Variants in GALNT13 observed in about 807,000 individuals in gnomAD.
The protein encoded by GALNT13 is polypeptide N-acetylgalactosaminyltransferase 13.
A neutral mutation model predicts 64.2 loss-of-function variants in GALNT13; 28 were observed. The observed-to-expected ratio is 0.44, with a 90% CI of 0.32 to 0.60. The LOEUF is 0.60. Among genes scored for constraint, GALNT13 ranks in the 20% least tolerant of loss-of-function variants. The probability of loss-of-function intolerance (pLI) is 0.05; values close to 1 mark genes in which losing one functional copy is unlikely to be tolerated. For missense variants in GALNT13, 577 were observed against 669.8 expected (o/e 0.86, Z 1.53); for synonymous variants, 214 against 224.6 (o/e 0.95, Z 0.42).
At chr2:154,150,476 G>A (rs1024530095) in intron 4 of GALNT13, among the ~76,000 whole-genome samples, 5 of 152,372 alleles carry the variant, frequency 3.3e-5, no homozygotes, top group East Asian at 1.9e-4. Flanking sequence ...CTCTTTGTCT[G>A]TTGATTGGAA....
At chr2:153,080,233 C>T in the GALNT13 span, among the ~76,000 whole-genome samples, 4 of 151,780 alleles carry the variant, frequency 2.6e-5, no homozygotes, top group Non-Finnish European at 4.4e-5. Flanking sequence ...TTATCTTACC[C>T]CTTTTTCTTT....
chr2:153,202,145 C>T, the GALNT13 span, among the ~76,000 whole-genome samples: 8 of 151,644 alleles, frequency 5.3e-5, no homozygotes, highest in African/African-American at 9.7e-5. Context: ...CCACCGCGCC[C>T]GGCTAATTTT....
chr2:154,291,127 C>A (rs536212515), intron 8 of GALNT13, among the ~76,000 whole-genome samples: 1 of 152,012 alleles, frequency 6.6e-6, no homozygotes, highest in Admixed American at 6.5e-5. Context: ...GCTTGGGTGG[C>A]CTTTTATTCC....
At chr2:153,228,807 A>G in the GALNT13 span, among the ~76,000 whole-genome samples, 1 of 133,422 alleles carries the variant, frequency 7.5e-6, no homozygotes, top group South Asian at 2.5e-4. Flanking sequence ...TGGGAGGCGG[A>G]GGTTGCAGTG....
At chr2:153,751,275 A>C in the GALNT13 span, among the ~76,000 whole-genome samples, 1 of 151,902 alleles carries the variant, frequency 6.6e-6, no homozygotes, top group Non-Finnish European at 1.5e-5. Flanking sequence ...AAAAGAATGC[A>C]TATTGTGCAG....
At chr2:153,912,875 A>G (rs1165911215) in intron 2 of GALNT13, among the ~76,000 whole-genome samples, 1 of 152,180 alleles carries the variant, frequency 6.6e-6, no homozygotes, top group Non-Finnish European at 1.5e-5. Flanking sequence ...AGTGGAATCT[A>G]TCCTCATTTG....
chr2:153,958,459 A>G (rs1692724086), intron 3 of GALNT13, among the ~76,000 whole-genome samples: 1 of 152,150 alleles, frequency 6.6e-6, no homozygotes, highest in Admixed American at 6.5e-5. Flanking sequence ...GTTTAGGCCA[A>G]ATGTGTTGGT....
At chr2:153,475,044 A>C in the GALNT13 span, among the ~76,000 whole-genome samples, 1 of 152,226 alleles carries the variant, frequency 6.6e-6, no homozygotes, top group Non-Finnish European at 1.5e-5. Context: ...TGTTTCATTT[A>C]AAGCAGTTGT....
intron 3 of GALNT13, among the ~76,000 whole-genome samples, chr2:154,003,335 G>A (rs562533390): frequency 1.9e-4 from 29 of 152,282 alleles, no homozygotes; most frequent in African/African-American, 6.5e-4. Flanking sequence ...CCAAGAAACT[G>A]TGAGTCTAAG....
the GALNT13 span, among the ~76,000 whole-genome samples, chr2:153,394,971 A>C: frequency 6.6e-6 from 1 of 151,966 alleles, no homozygotes; most frequent in Non-Finnish European, 1.5e-5. Flanking sequence ...AAGCTTTCTC[A>C]CTTTGTTGGC....
At chr2:154,356,910 A>T (rs1366999441) in intron 9 of GALNT13, among the ~76,000 whole-genome samples, 1 of 152,004 alleles carries the variant, frequency 6.6e-6, no homozygotes, top group Non-Finnish European at 1.5e-5. Context: ...TAGATACCAT[A>T]GGTATCTGTT....
chr2:153,995,521 GTTTT>G (rs1695464668), intron 3 of GALNT13, among the ~76,000 whole-genome samples: 1 of 152,010 alleles, frequency 6.6e-6, no homozygotes, highest in African/African-American at 2.4e-5. Context: ...CTTTTTAAAA[GTTTT>G]TGTTTATATT....
intron 4 of GALNT13, among the ~76,000 whole-genome samples, chr2:154,171,977 CACA>C (rs1337638033): frequency 1.5e-5 from 1 of 66,790 alleles, no homozygotes; most frequent in Non-Finnish European, 3.8e-5. Context: ...CTCATACACA[CACA>C]CACACACACA....
At chr2:153,459,176 CAT>C in the GALNT13 span, among the ~76,000 whole-genome samples, 3 of 151,876 alleles carry the variant, frequency 2.0e-5, no homozygotes, top group African/African-American at 7.3e-5. Flanking sequence ...TATGACAAAA[CAT>C]AAAATATGTT....
the GALNT13 span, among the ~76,000 whole-genome samples, chr2:153,179,503 CT>C: frequency 6.6e-6 from 1 of 151,992 alleles, no homozygotes; most frequent in Non-Finnish European, 1.5e-5. Context: ...CAGCTTTCTT[CT>C]TTTTGCTTAT....
the GALNT13 span, among the ~76,000 whole-genome samples, chr2:153,646,456 T>TAC: frequency 2.3e-5 from 2 of 87,004 alleles, no homozygotes; most frequent in Non-Finnish European, 6.2e-5. Flanking sequence ...TTTTTTCTTT[T>TAC]ATATATATAT....
intron 8 of GALNT13, among the ~76,000 whole-genome samples, chr2:154,297,332 C>T (rs921986865): frequency 2.6e-5 from 4 of 152,110 alleles, no homozygotes; most frequent in African/African-American, 7.2e-5. Flanking sequence ...ATGGTGGCCG[C>T]GGAAACAGAG....
chr2:154,108,896 C>T (rs1050176588), intron 3 of GALNT13, among the ~76,000 whole-genome samples: 3 of 152,036 alleles, frequency 2.0e-5, no homozygotes, highest in Non-Finnish European at 4.4e-5. Flanking sequence ...GGCAATAGAT[C>T]ATACGTGTGT....
intron 3 of GALNT13, among the ~76,000 whole-genome samples, chr2:154,007,978 C>T (rs1160726286): frequency 6.7e-6 from 1 of 149,020 alleles, no homozygotes; most frequent in Non-Finnish European, 1.5e-5. Flanking sequence ...CCTACCCCTC[C>T]GTCAGTGCCC....
Sources: gnomAD v4.1 joint callset for allele counts (sites outside exome capture counted in the v4.1 genomes callset) on GRCh38, gnomAD v4.1.1 for gene constraint, MANE v1.5 for transcripts, NCBI Gene and HGNC (gene_info 2026-07-23, HGNC 2026-07-21) for gene names.